The following CDH4 variants were observed in gnomAD, a reference collection of about 807,000 sequenced individuals.
The protein encoded by CDH4 is cadherin-4.
Under a neutral mutation model 86.0 loss-of-function variants are expected in CDH4, and 33 were observed. That is an observed-to-expected ratio of 0.38 (90% CI 0.29 to 0.51). The LOEUF (loss-of-function observed/expected upper bound fraction) is 0.51, where lower values mean the gene tolerates loss of function less well. Among genes scored for constraint, CDH4 ranks in the 20% least tolerant of loss-of-function variants. The pLI is 0.86. For synonymous variants in CDH4, 555 were observed against 549.4 expected (o/e 1.01, Z -0.14); for missense variants, 1,114 against 1,307.4 (o/e 0.85, Z 2.28).
intron 4 of CDH4, among the ~76,000 whole-genome samples, chr20:61,790,050 C>T (rs80221427): frequency 6.6e-6 from 1 of 152,106 alleles, no homozygotes; most frequent in Non-Finnish European, 1.5e-5. Flanking sequence ...AGTGTCCATC[C>T]ACCCTTCCAA....
chr20:61,503,122 C>A (rs750133875), intron 2 of CDH4, among the ~76,000 whole-genome samples: 1 of 152,138 alleles, frequency 6.6e-6, no homozygotes. Flanking sequence ...GGCAGGAGGC[C>A]CCTTGCCTGG....
chr20:61,744,867 G>A (rs943808854), intron 3 of CDH4, among the ~76,000 whole-genome samples: 6 of 152,242 alleles, frequency 3.9e-5, no homozygotes, highest in African/African-American at 1.4e-4. Context: ...CCTTCGCCTT[G>A]AGTGTCCTGG....
intron 2 of CDH4, among the ~76,000 whole-genome samples, chr20:61,304,161 C>T (rs1013826011): frequency 2.0e-5 from 3 of 152,074 alleles, no homozygotes; most frequent in African/African-American, 7.2e-5. Flanking sequence ...TTCACAGCCC[C>T]AGGCTTCTAT....
intron 2 of CDH4, among the ~76,000 whole-genome samples, chr20:61,388,594 A>G (rs1215835754): frequency 6.6e-6 from 1 of 152,154 alleles, no homozygotes; most frequent in East Asian, 1.9e-4. Context: ...ATGCCCATTC[A>G]TACCTTCTGC....
At chr20:61,572,853 A>ATGGG (rs2086351738) in intron 2 of CDH4, among the ~76,000 whole-genome samples, 1 of 151,850 alleles carries the variant, frequency 6.6e-6, no homozygotes, top group Non-Finnish European at 1.5e-5. Context: ...GGATGGATGG[A>ATGGG]TGGATGGATG....
At chr20:61,546,616 A>G (rs1049434938) in intron 2 of CDH4, among the ~76,000 whole-genome samples, 1 of 151,782 alleles carries the variant, frequency 6.6e-6, no homozygotes, top group Non-Finnish European at 1.5e-5. Flanking sequence ...CTCTGCTACA[A>G]TAGACAAGCA....
In CDH4 at chr20:61,510,556, C is replaced by T. The variant is rs1303272529; in HGVS notation, c.170-233007C>T. Among the ~76,000 whole-genome samples, 2 of 152,160 alleles carry T rather than the reference C, an allele frequency of 1.3e-5. No homozygotes were observed. The highest frequency in any genetic ancestry group is 2.4e-5 in the African/African-American group (1 of 41,436). ...TGTCTACTGCCCCAGGAATGGCCCACGGGTGTCGGGGGTGATGACCGACCT... is the reference window on the plus strand; with the variant it reads ...TGTCTACTGCCCCAGGAATGGCCCATGGGTGTCGGGGGTGATGACCGACCT... On this transcript the variant is annotated intron_variant, in intron 2 of 15. Transcript: ENST00000614565. This position sits in a 1 kb window ranked among gnomAD's most constrained non-coding sequence, Gnocchi z 4.2.
At chr20:61,415,562 A>G (rs1177519964) in intron 2 of CDH4, among the ~76,000 whole-genome samples, 1 of 151,102 alleles carries the variant, frequency 6.6e-6, no homozygotes, top group East Asian at 2.0e-4. Context: ...GGCCCCCACC[A>G]TCCTATTGTT....
At chr20:61,923,091 C>T (rs886423294) in intron 9 of CDH4, among the ~76,000 whole-genome samples, 2 of 152,242 alleles carry the variant, frequency 1.3e-5, no homozygotes, top group Non-Finnish European at 2.9e-5. Flanking sequence ...GCCTTCCCCA[C>T]ACTAGGCTCA....
At chr20:61,540,901 C>T (rs1418825521) in intron 2 of CDH4, among the ~76,000 whole-genome samples, 2 of 151,972 alleles carry the variant, frequency 1.3e-5, no homozygotes, top group Non-Finnish European at 2.9e-5. Context: ...AACAAAAGGG[C>T]CATTTGGTTA....
chr20:61,820,983 C>T (rs1331279541), intron 4 of CDH4, among the ~76,000 whole-genome samples: 1 of 152,018 alleles, frequency 6.6e-6, no homozygotes, highest in Non-Finnish European at 1.5e-5. Context: ...CAGTGCTGGG[C>T]CTCAGCATAT....
intron 2 of CDH4, among the ~76,000 whole-genome samples, chr20:61,383,782 T>C (rs2084934307): frequency 1.3e-5 from 1 of 77,608 alleles, no homozygotes; most frequent in Non-Finnish European, 2.6e-5. Flanking sequence ...TATGCATATA[T>C]ATGAAGATAT....
chr20:61,775,896 G>C lies in CDH4; in HGVS notation c.576+2714G>C, dbSNP rs1440294944. 4.6e-5 allele frequency among the ~76,000 whole-genome samples: 7 copies of C among 152,196 alleles called. No individual in the cohort carries two copies. The East Asian group carries it at 1.3e-3, about 29-fold the overall frequency. ...TTCCTCAGCTCTGCTCCACAGATAGGCTTGTAAAAGGGAACATGAAAGAGC... is the reference window on the plus strand; with the variant it reads ...TTCCTCAGCTCTGCTCCACAGATAGCCTTGTAAAAGGGAACATGAAAGAGC... On this transcript the variant is annotated intron_variant, in intron 4 of 15. Transcript: ENST00000614565.
At chr20:61,889,504 TGATG>T (rs1568868953) in intron 7 of CDH4, among the ~76,000 whole-genome samples, 1 of 145,964 alleles carries the variant, frequency 6.9e-6, no homozygotes, top group Non-Finnish European at 1.5e-5. Context: ...GATGGATGGA[TGATG>T]GATGGATGGA....
At chr20:61,624,790 CG>C (rs2086814095) in intron 2 of CDH4, among the ~76,000 whole-genome samples, 1 of 152,196 alleles carries the variant, frequency 6.6e-6, no homozygotes. Flanking sequence ...GAAGAAGAGT[CG>C]GGGCATTCTG....
chr20:61,705,659 A>G (rs1568767071), intron 2 of CDH4, among the ~76,000 whole-genome samples: 1 of 150,554 alleles, frequency 6.6e-6, no homozygotes, highest in Non-Finnish European at 1.5e-5. Flanking sequence ...GAAAAGGGGG[A>G]CTCATTGCAG....
chr20:61,648,103 C>A (rs1277595401), intron 2 of CDH4, among the ~76,000 whole-genome samples: 1 of 152,244 alleles, frequency 6.6e-6, no homozygotes, highest in East Asian at 1.9e-4. Context: ...CCTGCCATTG[C>A]CCTCAGAGGA....
chr20:61,819,546 C>T (rs1461847970), intron 4 of CDH4, among the ~76,000 whole-genome samples: 3 of 152,228 alleles, frequency 2.0e-5, no homozygotes, highest in Admixed American at 6.5e-5. Context: ...GCCCAGCACC[C>T]GCTTCATGAT....
rs115021295 is a variant in CDH4, at chr20:61,887,653, G to A, written c.1051-7257G>A. Among the ~76,000 whole-genome samples the A allele has an allele frequency of 4.6e-3, 697 of 152,320 alleles. 4 individuals are homozygous for A. Among genetic ancestry groups the A allele is most frequent in the African/African-American group, 0.016 (662 of 41,564 alleles). ...CAGCCAGGGGTGGCTTCCATGAACCGGCTCTGATTGGATGACTGAAGAAAT... is the reference window on the plus strand; with the variant it reads ...CAGCCAGGGGTGGCTTCCATGAACCAGCTCTGATTGGATGACTGAAGAAAT... On this transcript the variant is annotated intron_variant, in intron 7 of 15. Coordinates refer to ENST00000614565, the MANE Select transcript of CDH4 (RefSeq NM_001794.5).
Sources: allele counts gnomAD v4.1 joint callset (sites outside exome capture counted in the v4.1 genomes callset), GRCh38; gene constraint gnomAD v4.1.1; non-coding constraint Gnocchi (gnomAD v3.1); transcripts MANE v1.5; gene names NCBI Gene and HGNC (gene_info 2026-07-23, HGNC 2026-07-21).